Variants in NLGN1 observed in about 807,000 individuals in gnomAD.
NLGN1 encodes the protein neuroligin 1.
NLGN1 carries 12 observed loss-of-function variants against 65.5 expected under a neutral mutation model. That is an observed-to-expected ratio of 0.18 (90% CI 0.12 to 0.30). NLGN1 has a LOEUF of 0.30. Among genes scored for constraint, NLGN1 ranks in the 10% least tolerant of loss-of-function variants. The pLI is 1.00. For synonymous variants in NLGN1, 350 were observed against 359.5 expected, an observed-to-expected ratio of 0.97 and a Z score of 0.30; for missense variants, 750 against 1,007.1, an observed-to-expected ratio of 0.74 and a Z score of 3.46.
intron 4 of NLGN1, among the ~76,000 whole-genome samples, chr3:174,044,406 C>G (rs888263980): frequency 6.6e-6 from 1 of 152,116 alleles, no homozygotes; most frequent in African/African-American, 2.4e-5. Context: ...GCTCTGCTTC[C>G]TCTTGAATGC....
chr3:173,865,411 T>C (rs1313658252), intron 4 of NLGN1, among the ~76,000 whole-genome samples: 1 of 152,156 alleles, frequency 6.6e-6, no homozygotes, highest in African/African-American at 2.4e-5. Context: ...TGCTTAGTTC[T>C]TACATGTACA....
At chr3:174,264,943 T>C (rs1024909255) in intron 4 of NLGN1, among the ~76,000 whole-genome samples, 2 of 152,138 alleles carry the variant, frequency 1.3e-5, no homozygotes, top group African/African-American at 4.8e-5. Context: ...TACCCTGCTG[T>C]GTGAGGTGTC....
intron 4 of NLGN1, among the ~76,000 whole-genome samples, chr3:174,236,531 A>G (rs543631969): frequency 2.0e-5 from 3 of 152,190 alleles, no homozygotes; most frequent in Admixed American, 6.5e-5. Flanking sequence ...CCCTCTTTTT[A>G]AAAAAATTTA....
chr3:174,096,484 A>G (rs545022583), intron 4 of NLGN1, among the ~76,000 whole-genome samples: 1 of 152,102 alleles, frequency 6.6e-6, no homozygotes, highest in South Asian at 2.1e-4. Flanking sequence ...TCCCTGAAAG[A>G]TATTGTAAAT....
chr3:173,906,419 A>C (rs555295276), intron 4 of NLGN1, among the ~76,000 whole-genome samples: 1 of 152,270 alleles, frequency 6.6e-6, no homozygotes, highest in Non-Finnish European at 1.5e-5. Context: ...TCAATGCCTT[A>C]TGGCCTTTAT....
chr3:174,192,428 G>A (rs1301021742), intron 4 of NLGN1, among the ~76,000 whole-genome samples: 1 of 152,104 alleles, frequency 6.6e-6, no homozygotes, highest in East Asian at 1.9e-4. Flanking sequence ...GAGATTAAAT[G>A]CTTATAGAAA....
chr3:173,789,672 G>A (rs928249182), intron 3 of NLGN1, among the ~76,000 whole-genome samples: 65 of 152,312 alleles, frequency 4.3e-4, no homozygotes, highest in African/African-American at 1.5e-3. Flanking sequence ...GTAATTCAGG[G>A]ATGAGCCCTC....
chr3:174,086,254 C>A (rs1282488657), intron 4 of NLGN1, among the ~76,000 whole-genome samples: 1 of 98,352 alleles, frequency 1.0e-5, no homozygotes, highest in African/African-American at 4.8e-5. Context: ...TATGTATGTG[C>A]ATACATATAT....
At chr3:173,636,948 A>G (rs16828823) in intron 3 of NLGN1, among the ~76,000 whole-genome samples, 1,610 of 152,276 alleles carry the variant, frequency 0.011, 31 homozygotes, top group African/African-American at 0.037. Context: ...TGCTTAAGCT[A>G]GTGTGAAAAA....
intron 4 of NLGN1, among the ~76,000 whole-genome samples, chr3:174,045,372 A>T (rs1264022983): frequency 6.6e-6 from 1 of 152,054 alleles, no homozygotes; most frequent in African/African-American, 2.4e-5. Context: ...CGAAGAGGGG[A>T]AAAGCCCCTC....
chr3:173,495,213 C>T (rs1223670749), intron 2 of NLGN1, among the ~76,000 whole-genome samples: 1 of 151,692 alleles, frequency 6.6e-6, no homozygotes, highest in Non-Finnish European at 1.5e-5. Flanking sequence ...ATACCTTTGA[C>T]TAAATTTGTT....
intron 4 of NLGN1, among the ~76,000 whole-genome samples, chr3:173,833,466 T>C (rs1722994134): frequency 6.6e-6 from 1 of 152,176 alleles, no homozygotes; most frequent in Non-Finnish European, 1.5e-5. Context: ...GTTTTTTTTG[T>C]CCTTTGTCTA....
At chr3:173,517,215 G>C (rs1733951847) in intron 2 of NLGN1, among the ~76,000 whole-genome samples, 2 of 152,022 alleles carry the variant, frequency 1.3e-5, no homozygotes, top group South Asian at 4.1e-4. Flanking sequence ...CTTCCAGTAT[G>C]AGTTTCTCAT....
chr3:173,836,165 A>G (rs1274314908), intron 4 of NLGN1, among the ~76,000 whole-genome samples: 2 of 152,196 alleles, frequency 1.3e-5, no homozygotes, highest in African/African-American at 4.8e-5. Context: ...TATAGGAAAT[A>G]TGAAGACATT....
chr3:173,628,928 A>T (rs1755226542), intron 3 of NLGN1, among the ~76,000 whole-genome samples: 1 of 151,864 alleles, frequency 6.6e-6, no homozygotes, highest in African/African-American at 2.4e-5. Context: ...TCCTGACATC[A>T]AGTGATCCAC....
chr3:173,509,500 C>T (rs1577035262), intron 2 of NLGN1, among the ~76,000 whole-genome samples: 2 of 152,122 alleles, frequency 1.3e-5, no homozygotes, highest in South Asian at 2.1e-4. Context: ...ATAGTCTCTA[C>T]TACTGAGGAG....
intron 4 of NLGN1, among the ~76,000 whole-genome samples, chr3:173,881,356 C>A (rs2150927604): frequency 6.6e-6 from 1 of 151,554 alleles, no homozygotes; most frequent in Non-Finnish European, 1.5e-5. Context: ...CTCGGCCTCC[C>A]AAATTGCTGG....
At chr3:173,778,561 A>G (rs538193524) in intron 3 of NLGN1, among the ~76,000 whole-genome samples, 2 of 151,914 alleles carry the variant, frequency 1.3e-5, no homozygotes, top group Non-Finnish European at 2.9e-5. Flanking sequence ...TTTTGCCATT[A>G]TTATATACTA....
intron 4 of NLGN1, among the ~76,000 whole-genome samples, chr3:173,854,918 A>G (rs1727665954): frequency 6.6e-6 from 1 of 152,154 alleles, no homozygotes; most frequent in Non-Finnish European, 1.5e-5. Flanking sequence ...AAATCATACT[A>G]CAAGATACAA....
Sources: allele counts gnomAD v4.1 joint callset (sites outside exome capture counted in the v4.1 genomes callset), GRCh38; gene constraint gnomAD v4.1.1; transcripts MANE v1.5; gene names NCBI Gene and HGNC (gene_info 2026-07-23, HGNC 2026-07-21).